Variants in KIAA0930 observed in about 807,000 individuals in gnomAD.
KIAA0930 encodes uncharacterized protein KIAA0930.
KIAA0930 carries 24 observed loss-of-function variants against 43.9 expected under a neutral mutation model. That is an observed-to-expected ratio of 0.55 (90% CI 0.40 to 0.77). The LOEUF (loss-of-function observed/expected upper bound fraction) is 0.77. KIAA0930 is among the 30% of genes least tolerant of loss of function. The pLI is 0.00. For synonymous variants in KIAA0930, 259 were observed against 216.4 expected (o/e 1.20, Z -1.73); for missense variants, 461 against 574.2 (o/e 0.80, Z 2.02).
intron 1 of KIAA0930, chr22:45,212,596 A>G: frequency 7.3e-7 from 1 of 1,367,278 alleles, no homozygotes; most frequent in Non-Finnish European, 9.4e-7. Flanking sequence ...CCCTCCAGCC[A>G]GCCAAGGCTG....
intron 1 of KIAA0930, chr22:45,212,450 T>C: frequency 2.0e-6 from 3 of 1,469,936 alleles, no homozygotes; most frequent in South Asian, 2.7e-5. Context: ...CTGGCTGGTG[T>C]CTGGGCTGGA....
chr22:45,222,392 T>G (rs919136117), intron 1 of KIAA0930, among the ~76,000 whole-genome samples: 1 of 152,132 alleles, frequency 6.6e-6, no homozygotes, highest in African/African-American at 2.4e-5. Context: ...CACTGCAACT[T>G]TGACCTCAAC....
Position 45,212,011 on chromosome 22 carries a change from T to A in KIAA0930, c.161A>T (p.Tyr54Phe). Residue 54 changes from tyrosine (Y) to phenylalanine (F), a missense_variant, in exon 2 of 10, where the codon TAT becomes TTT. Tyr to Phe is a conservative substitution (Grantham distance 22). Transcript: ENST00000336156. Reference sequence around the variant, plus strand: ...GGAGTACGCCAGCTTCCGGCGCACATAGAAAAGCATGTCGTCCTGCCGGGG... The same window carrying A: ...GGAGTACGCCAGCTTCCGGCGCACAAAGAAAAGCATGTCGTCCTGCCGGGG... ...WAPRQDDMLF[Y>F]VRRKLAYSGS... The A allele has an allele frequency of 6.2e-7, 1 of 1,613,622 alleles. No individual in the cohort carries two copies. Among genetic ancestry groups the A allele is most frequent in the Non-Finnish European group, 8.5e-7 (1 of 1,179,998 alleles).
rs751093597 is a variant in KIAA0930 at position 45,212,178 on chromosome 22, G to A, written c.65-71C>T. The A allele has an allele frequency of 4.5e-5, 73 of 1,613,484 alleles. 1 individual carries two copies. In the South Asian group the frequency reaches 7.2e-4, roughly 16 times the overall value. On this transcript the variant is annotated intron_variant, in intron 1 of 9. Coordinates refer to ENST00000336156, the MANE Select transcript of KIAA0930 (RefSeq NM_001009880.2). ...GCCCTTGCAGCATGGCCTTGGCCAAGCTGCGCCCATACCCCCACATTTCTG... is the reference window on the plus strand; with the variant it reads ...GCCCTTGCAGCATGGCCTTGGCCAAACTGCGCCCATACCCCCACATTTCTG...
chr22:45,223,445 C>T (rs1331838141), intron 1 of KIAA0930, among the ~76,000 whole-genome samples: 1 of 152,206 alleles, frequency 6.6e-6, no homozygotes, highest in Non-Finnish European at 1.5e-5. Context: ...CAAATCCAAA[C>T]CTCCTGGTGC....
At chr22:45,210,528 C>T (rs937942735) in intron 2 of KIAA0930, among the ~76,000 whole-genome samples, 2 of 152,196 alleles carry the variant, frequency 1.3e-5, no homozygotes, top group Non-Finnish European at 2.9e-5. Context: ...TTCGGGGCAC[C>T]TGCCCTGATC....
chr22:45,216,136 A>C (rs1247914349), intron 1 of KIAA0930, among the ~76,000 whole-genome samples: 3 of 152,230 alleles, frequency 2.0e-5, no homozygotes, highest in East Asian at 1.9e-4. Context: ...TCCAAGAGCC[A>C]GGAAAGGTCG....
chr22:45,199,272 G>A (rs2083564513), intron 8 of KIAA0930, among the ~76,000 whole-genome samples: 1 of 152,166 alleles, frequency 6.6e-6, no homozygotes, highest in South Asian at 2.1e-4. Flanking sequence ...CGGGTGCTCA[G>A]GAGAGAGTGC....
chr22:45,234,287 G>A (rs986156738), intron 1 of KIAA0930, among the ~76,000 whole-genome samples: 4 of 152,142 alleles, frequency 2.6e-5, no homozygotes, highest in Non-Finnish European at 4.4e-5. Flanking sequence ...ATGGTCCTCC[G>A]ATGGGGAAGA....
rs1381943212 is a variant in KIAA0930, at chr22:45,192,992, G to A, written c.*4184C>T. Reference sequence around the variant, plus strand: ...CATCTGCAGAGTCACGTGGCACTCTGGCCACTGCTGAAGAGCTGCTCTCCC... The same window carrying A: ...CATCTGCAGAGTCACGTGGCACTCTAGCCACTGCTGAAGAGCTGCTCTCCC... On this transcript the variant is annotated 3_prime_UTR_variant, in exon 10 of 10. Coordinates refer to ENST00000336156, the MANE Select transcript of KIAA0930 (RefSeq NM_001009880.2). The A allele has an allele frequency of 1.3e-5, 2 of 152,220 alleles. No homozygotes were observed. Among genetic ancestry groups the A allele is most frequent in the African/African-American group, 4.8e-5 (2 of 41,458 alleles). 9.4% of individuals were successfully genotyped at this position (152,220 alleles called of 1,614,324 possible).
At chr22:45,225,525 G>C (rs1386639466) in intron 1 of KIAA0930, among the ~76,000 whole-genome samples, 5 of 152,202 alleles carry the variant, frequency 3.3e-5, no homozygotes, top group Non-Finnish European at 7.3e-5. Flanking sequence ...CGATGTTCCA[G>C]CCAGCCTCGG....
At chr22:45,216,175 A>T (rs2083731430) in intron 1 of KIAA0930, among the ~76,000 whole-genome samples, 1 of 152,210 alleles carries the variant, frequency 6.6e-6, no homozygotes, top group Non-Finnish European at 1.5e-5. Flanking sequence ...TGATTCCCGG[A>T]GGCACAGTAC....
At chr22:45,225,182 C>T (rs2083791180) in intron 1 of KIAA0930, among the ~76,000 whole-genome samples, 1 of 152,086 alleles carries the variant, frequency 6.6e-6, no homozygotes, top group Non-Finnish European at 1.5e-5. Context: ...TGTGGCCCCT[C>T]AATAGGCCTT....
chr22:45,210,393 A>C (rs1601815625), intron 2 of KIAA0930, among the ~76,000 whole-genome samples: 1 of 152,222 alleles, frequency 6.6e-6, no homozygotes, highest in African/African-American at 2.4e-5. Flanking sequence ...TGTGCCCGCC[A>C]TGAGGGTCAC....
intron 1 of KIAA0930, chr22:45,212,477 CTGGGGGGGAGCCTT>C: frequency 6.9e-7 from 1 of 1,443,256 alleles, no homozygotes; most frequent in Non-Finnish European, 9.1e-7. Context: ...GAAGGCTTGG[CTGGGGGGGAGCCTT>C]TGGAGAGGCA....
chr22:45,220,338 C>G (rs1480724291), intron 1 of KIAA0930, among the ~76,000 whole-genome samples: 1 of 151,896 alleles, frequency 6.6e-6, no homozygotes, highest in Non-Finnish European at 1.5e-5. Flanking sequence ...GCCTATAATT[C>G]CAGCTACTCA....
At chr22:45,227,185 C>T (rs975594706) in intron 1 of KIAA0930, among the ~76,000 whole-genome samples, 9 of 152,232 alleles carry the variant, frequency 5.9e-5, no homozygotes, top group South Asian at 2.1e-4. Context: ...TGCAAGGCAA[C>T]GACACACCAC....
At position 45,215,499 on chromosome 22, in the gene KIAA0930, A is replaced by G. The variant is rs185582907; in HGVS notation, c.65-3392T>C. On this transcript the variant is annotated intron_variant, in intron 1 of 9. Coordinates refer to ENST00000336156, the MANE Select transcript of KIAA0930 (RefSeq NM_001009880.2). ...TGTGTTACTCATGAGAAAAAATAATATAACAGCAATAACCACAATGAAGAC... is the reference window on the plus strand; with the variant it reads ...TGTGTTACTCATGAGAAAAAATAATGTAACAGCAATAACCACAATGAAGAC... Among the ~76,000 whole-genome samples, 26 of 152,360 alleles carry G rather than the reference A, an allele frequency of 1.7e-4. 1 individual carries two copies. In the East Asian group the frequency reaches 4.0e-3, roughly 24 times the overall value.
chr22:45,226,036 G>C, intron 1 of KIAA0930: 2 of 284,506 alleles, frequency 7.0e-6, no homozygotes, highest in South Asian at 6.0e-5. Context: ...AGGGCGTCCG[G>C]GGCCCAGCGC....
Sources: gnomAD v4.1 joint callset for allele counts (sites outside exome capture counted in the v4.1 genomes callset) on GRCh38, gnomAD v4.1.1 for gene constraint, MANE v1.5 for transcripts, NCBI Gene and HGNC (gene_info 2026-07-23, HGNC 2026-07-21) for gene names.